The following NPAS3 variants were observed in gnomAD, a reference collection of about 807,000 sequenced individuals.
The protein encoded by NPAS3 is neuronal PAS domain-containing protein 3.
Under a neutral mutation model 73.1 loss-of-function variants are expected in NPAS3, and 14 were observed. That is an observed-to-expected ratio of 0.19 (90% CI 0.13 to 0.30). NPAS3 has a LOEUF of 0.30. NPAS3 is among the 10% of genes least tolerant of loss of function. The pLI is 1.00. For missense variants in NPAS3, 1,096 were observed against 1,250.0 expected (o/e 0.88, Z 1.86); for synonymous variants, 620 against 541.5 (o/e 1.14, Z -2.01).
At chr14:33,012,415 C>G (rs894836267) in intron 1 of NPAS3, among the ~76,000 whole-genome samples, 7 of 152,146 alleles carry the variant, frequency 4.6e-5, no homozygotes, top group Non-Finnish European at 7.4e-5. Flanking sequence ...TAATAACTTG[C>G]TAAATAGCGG....
chr14:33,624,579 T>C (rs1026239038), intron 5 of NPAS3, among the ~76,000 whole-genome samples: 1 of 152,082 alleles, frequency 6.6e-6, no homozygotes, highest in African/African-American at 2.4e-5. Context: ...GTTTTTTTTT[T>C]TTTTCATTCT....
At chr14:33,553,102 G>A (rs1233513871) in intron 4 of NPAS3, among the ~76,000 whole-genome samples, 1 of 152,182 alleles carries the variant, frequency 6.6e-6, no homozygotes, top group Non-Finnish European at 1.5e-5. Context: ...TCAGAAGCCA[G>A]TCACTGTCTT....
intron 2 of NPAS3, among the ~76,000 whole-genome samples, chr14:33,159,056 A>G (rs1165159846): frequency 6.6e-6 from 1 of 152,070 alleles, no homozygotes; most frequent in Non-Finnish European, 1.5e-5. Flanking sequence ...CCAACTACTC[A>G]GAGACCGAGG....
At chr14:33,640,363 G>A (rs2058644248) in intron 5 of NPAS3, among the ~76,000 whole-genome samples, 1 of 152,104 alleles carries the variant, frequency 6.6e-6, no homozygotes, top group Non-Finnish European at 1.5e-5. Context: ...TTTCCTGGAA[G>A]ATCTACCTGA....
intron 4 of NPAS3, among the ~76,000 whole-genome samples, chr14:33,492,657 G>T (rs192262339): frequency 6.6e-6 from 1 of 152,164 alleles, no homozygotes; most frequent in East Asian, 1.9e-4. Flanking sequence ...TCTTGGTAAC[G>T]GAAAGGACAT....
At chr14:33,013,374 A>T (rs1276701445) in intron 1 of NPAS3, among the ~76,000 whole-genome samples, 1 of 152,194 alleles carries the variant, frequency 6.6e-6, no homozygotes, top group African/African-American at 2.4e-5. Flanking sequence ...ATTTGGAATC[A>T]TGTGTTTTGG....
chr14:33,796,367 A>G (rs1158175774), intron 10 of NPAS3, among the ~76,000 whole-genome samples: 1 of 152,168 alleles, frequency 6.6e-6, no homozygotes, highest in African/African-American at 2.4e-5. Context: ...GTCTCATCTG[A>G]TTATCTAGAG....
intron 2 of NPAS3, among the ~76,000 whole-genome samples, chr14:33,124,252 T>G (rs2043345605): frequency 6.6e-6 from 1 of 152,118 alleles, no homozygotes; most frequent in Admixed American, 6.6e-5. Context: ...GAGTAGATGC[T>G]TGGAGTGAAA....
intron 4 of NPAS3, among the ~76,000 whole-genome samples, chr14:33,474,304 A>C (rs2050919586): frequency 6.6e-6 from 1 of 152,194 alleles, no homozygotes; most frequent in Non-Finnish European, 1.5e-5. Flanking sequence ...AAATATGTGA[A>C]ATGGAATATT....
chr14:33,502,627 A>AG (rs78510490), intron 4 of NPAS3, among the ~76,000 whole-genome samples: 33,460 of 151,790 alleles, frequency 0.22, 4,420 homozygotes, highest in East Asian at 0.47. Flanking sequence ...CCTGTTATGA[A>AG]GTAGTATTTT....
intron 3 of NPAS3, among the ~76,000 whole-genome samples, chr14:33,340,201 A>G (rs964214750): frequency 6.6e-6 from 1 of 152,218 alleles, no homozygotes; most frequent in African/African-American, 2.4e-5. Context: ...TTAAGTATCA[A>G]TATTTTTTCC....
chr14:33,254,903 A>G (rs2139916898), intron 3 of NPAS3, among the ~76,000 whole-genome samples: 1 of 152,200 alleles, frequency 6.6e-6, no homozygotes, highest in African/African-American at 2.4e-5. Flanking sequence ...GGAAATATAT[A>G]TTCATGGACT....
intron 3 of NPAS3, among the ~76,000 whole-genome samples, chr14:33,292,392 C>T (rs1246875537): frequency 2.6e-5 from 4 of 152,176 alleles, no homozygotes; most frequent in Non-Finnish European, 5.9e-5. Context: ...TGCCTGGACA[C>T]GTGAACTCCC....
At chr14:33,369,404 C>CAAA (rs3058296) in intron 4 of NPAS3, among the ~76,000 whole-genome samples, 9 of 90,934 alleles carry the variant, frequency 9.9e-5, no homozygotes, top group Non-Finnish European at 1.3e-4. Context: ...GCCTCATTTC[C>CAAA]AAAAAAAAAA....
chr14:32,957,966 T>C (rs1288870861), intron 1 of NPAS3, among the ~76,000 whole-genome samples: 3 of 152,106 alleles, frequency 2.0e-5, no homozygotes, highest in African/African-American at 7.3e-5. Context: ...TTACATTCAC[T>C]GTCCACCGCT....
chr14:33,189,112 A>G (rs1594345288), intron 2 of NPAS3, among the ~76,000 whole-genome samples: 1 of 152,210 alleles, frequency 6.6e-6, no homozygotes, highest in Non-Finnish European at 1.5e-5. Context: ...TGGAAGGCTG[A>G]AGAATGAATC....
At chr14:33,564,690 TC>T (rs1426238916) in intron 5 of NPAS3, among the ~76,000 whole-genome samples, 2 of 152,176 alleles carry the variant, frequency 1.3e-5, no homozygotes, top group Admixed American at 1.3e-4. Flanking sequence ...CATGAGAGAC[TC>T]AGTTAACCAG....
chr14:32,963,010 C>A (rs1179401914), intron 1 of NPAS3, among the ~76,000 whole-genome samples: 1 of 151,414 alleles, frequency 6.6e-6, no homozygotes, highest in Non-Finnish European at 1.5e-5. Context: ...CCTTCTAATT[C>A]AAGATCCCTT....
At chr14:33,265,940 G>T (rs2040795128) in intron 3 of NPAS3, among the ~76,000 whole-genome samples, 1 of 150,696 alleles carries the variant, frequency 6.6e-6, no homozygotes, top group Non-Finnish European at 1.5e-5. Context: ...AGTAGAGATA[G>T]GTATATATTG....
Sources: gnomAD v4.1 joint callset for allele counts (sites outside exome capture counted in the v4.1 genomes callset) on GRCh38, gnomAD v4.1.1 for gene constraint, MANE v1.5 for transcripts, NCBI Gene and HGNC (gene_info 2026-07-23, HGNC 2026-07-21) for gene names.